The following CLIC5 variants were observed in gnomAD, a reference collection of about 807,000 sequenced individuals.
CLIC5 encodes CLIC family member 5, also known as chloride intracellular channel protein 5.
A neutral mutation model predicts 24.7 loss-of-function variants in CLIC5; 20 were observed. That is an observed-to-expected ratio of 0.81 (90% CI 0.57 to 1.18). The LOEUF is 1.18. CLIC5 is among the 50% of genes most tolerant of loss of function. The probability of loss-of-function intolerance (pLI) is 0.00; values close to 1 mark genes in which losing one functional copy is unlikely to be tolerated. For synonymous variants in CLIC5, 159 were observed against 135.6 expected (o/e 1.17, Z -1.20); for missense variants, 341 against 326.1 (o/e 1.05, Z -0.35).
At chr6:46,006,013 T>C (rs950799821) in intron 1 of CLIC5, among the ~76,000 whole-genome samples, 15 of 126,168 alleles carry the variant, frequency 1.2e-4, no homozygotes, top group African/African-American at 3.4e-4. Context: ...TATATATATA[T>C]ATACACACAT....
At chr6:46,007,928 T>TC (rs397796645) in intron 1 of CLIC5, among the ~76,000 whole-genome samples, 17 of 149,136 alleles carry the variant, frequency 1.1e-4, no homozygotes, top group South Asian at 1.1e-3. Context: ...TTTTTTTTTT[T>TC]CCCGATTTTC....
chr6:46,079,602 A>G (rs1303992834), intron 1 of CLIC5: 20 of 988,524 alleles, frequency 2.0e-5, no homozygotes, highest in Non-Finnish European at 2.7e-5. Flanking sequence ...AGATCCAAGG[A>G]CCATGGCATT....
At chr6:45,935,056 G>A (rs1316130457) in intron 4 of CLIC5, among the ~76,000 whole-genome samples, 3 of 152,228 alleles carry the variant, frequency 2.0e-5, no homozygotes, top group African/African-American at 4.8e-5. Context: ...CCTAGATTAT[G>A]ATAAGTAACT....
chr6:45,882,727 A>C (rs1762274073), intron 6 of CLIC5, among the ~76,000 whole-genome samples: 1 of 152,222 alleles, frequency 6.6e-6, no homozygotes, highest in Admixed American at 6.5e-5. Context: ...TTTCCTCTTT[A>C]GTGATACAAA....
chr6:45,912,701 G>C (rs1762863727), intron 5 of CLIC5: 1 of 1,535,414 alleles, frequency 6.5e-7, no homozygotes, highest in Non-Finnish European at 8.7e-7. Flanking sequence ...CAGTGTGACT[G>C]AGCTGGAATT....
At position 45,902,141 on chromosome 6, in the gene CLIC5, A is replaced by G. The variant is rs1247300045; in HGVS notation, c.*947T>C. ...CCTTTTTAAAAGTTTACCAGGGAAC[A>G]TCGAGGCTCATAAAGAACTCTTTTG... On this transcript the variant is annotated 3_prime_UTR_variant, in exon 6 of 6. Coordinates refer to ENST00000339561, the MANE Select transcript of CLIC5 (RefSeq NM_016929.5). 6.5e-6 allele frequency: 1 copy of G among 152,696 alleles called. No individual in the cohort carries two copies. Among genetic ancestry groups the G allele is most frequent in the East Asian group, 1.9e-4 (1 of 5,188 alleles). 9.5% of individuals were successfully genotyped at this position (152,696 alleles called of 1,614,324 possible). A position where few individuals can be genotyped will look rare whatever the true frequency, so the allele number is the denominator to read the frequency against.
chr6:45,891,794 A>T (rs1158356043), intron 6 of CLIC5, among the ~76,000 whole-genome samples: 1 of 152,136 alleles, frequency 6.6e-6, no homozygotes, highest in African/African-American at 2.4e-5. Flanking sequence ...TTTTATTGCA[A>T]TGACTTTTGA....
At chr6:45,881,112 T>G (rs1306184899) in exon 7 of CLIC5, 2 of 398,336 alleles carry the variant, frequency 5.0e-6, no homozygotes, top group African/African-American at 4.1e-5. Flanking sequence ...TTTTTTCTTC[T>G]TTCTCTAGCT....
chr6:45,888,999 A>G (rs1762327672), intron 6 of CLIC5, among the ~76,000 whole-genome samples: 1 of 152,184 alleles, frequency 6.6e-6, no homozygotes, highest in African/African-American at 2.4e-5. Flanking sequence ...AATCAAGTTG[A>G]GGAATATCTA....
chr6:45,912,769 G>T, intron 5 of CLIC5: 1 of 1,427,442 alleles, frequency 7.0e-7, no homozygotes. Context: ...AGGATGATGG[G>T]TGGGGCATGC....
intron 1 of CLIC5, among the ~76,000 whole-genome samples, chr6:46,042,452 A>G (rs923936702): frequency 6.6e-6 from 1 of 152,158 alleles, no homozygotes; most frequent in Admixed American, 6.5e-5. Flanking sequence ...ACAAGACTGA[A>G]TGGCCCACCT....
At chr6:46,126,223 T>C in the CLIC5 span, among the ~76,000 whole-genome samples, 22 of 152,100 alleles carry the variant, frequency 1.4e-4, no homozygotes, top group Admixed American at 1.4e-3. Context: ...CTTGGAGGAA[T>C]TGCCAGAAGG....
the CLIC5 span, among the ~76,000 whole-genome samples, chr6:46,104,957 T>C: frequency 6.6e-6 from 1 of 152,190 alleles, no homozygotes; most frequent in South Asian, 2.1e-4. Context: ...TTGGTTTGAT[T>C]CCTGGTCAGG....
the CLIC5 span, among the ~76,000 whole-genome samples, chr6:46,087,599 C>T: frequency 6.6e-6 from 1 of 152,068 alleles, no homozygotes; most frequent in African/African-American, 2.4e-5. Flanking sequence ...TAGTTTCTTC[C>T]CTTCTCATCC....
chr6:45,996,758 C>T (rs1358197960), intron 1 of CLIC5, among the ~76,000 whole-genome samples: 1 of 151,960 alleles, frequency 6.6e-6, no homozygotes, highest in Non-Finnish European at 1.5e-5. Flanking sequence ...AAAAAATGCT[C>T]ATCATCACTG....
chr6:46,038,788 A>C (rs546629368), intron 1 of CLIC5, among the ~76,000 whole-genome samples: 2 of 152,276 alleles, frequency 1.3e-5, no homozygotes, highest in African/African-American at 4.8e-5. Flanking sequence ...ACTAATTTAG[A>C]TATTGTTTTC....
At chr6:45,905,816 G>T (rs576335607) in intron 5 of CLIC5, among the ~76,000 whole-genome samples, 1 of 152,094 alleles carries the variant, frequency 6.6e-6, no homozygotes, top group African/African-American at 2.4e-5. Flanking sequence ...TGTACAGAAT[G>T]TTTCCTGGTT....
chr6:46,052,870 T>C (rs1410516800), intron 1 of CLIC5, among the ~76,000 whole-genome samples: 3 of 151,500 alleles, frequency 2.0e-5, no homozygotes, highest in African/African-American at 7.3e-5. Flanking sequence ...CATCTGGAGA[T>C]CCATTCCCTG....
chr6:46,112,928 G>T, the CLIC5 span, among the ~76,000 whole-genome samples: 1 of 152,120 alleles, frequency 6.6e-6, no homozygotes, highest in Non-Finnish European at 1.5e-5. Context: ...GTGGTGGCAG[G>T]CACCTGTAGT....
Sources: allele counts gnomAD v4.1 joint callset (sites outside exome capture counted in the v4.1 genomes callset), GRCh38; gene constraint gnomAD v4.1.1; transcripts MANE v1.5; gene names NCBI Gene and HGNC (gene_info 2026-07-23, HGNC 2026-07-21).